The following AACS variants were observed in gnomAD, a reference collection of about 807,000 sequenced individuals.
AACS encodes the protein acetoacetyl-CoA synthetase.
In AACS, 69 loss-of-function variants were observed where a neutral mutation model predicts 83.1. The ratio of observed to expected loss-of-function variants is 0.83; its 90% CI spans 0.68 to 1.01. The LOEUF is 1.01. Among genes scored for constraint, AACS ranks in the 50% least tolerant of loss-of-function variants. The pLI is 0.00. For missense variants in AACS, 866 were observed against 882.2 expected (o/e 0.98, Z 0.23); for synonymous variants, 333 against 343.4 (o/e 0.97, Z 0.33).
intron 3 of AACS, among the ~76,000 whole-genome samples, chr12:125,082,690 G>A (rs1053206554): frequency 6.6e-6 from 1 of 152,018 alleles, no homozygotes; most frequent in Non-Finnish European, 1.5e-5. Context: ...GTGTGGTGGC[G>A]GGTGCCTGTA....
At chr12:125,074,891 C>T (rs912454194) in intron 2 of AACS, among the ~76,000 whole-genome samples, 2 of 150,962 alleles carry the variant, frequency 1.3e-5, no homozygotes, top group African/African-American at 2.4e-5. Context: ...CTCAAACTCC[C>T]AACCTTGGGT....
At chr12:125,089,651 A>G (rs1232023576) in intron 4 of AACS, among the ~76,000 whole-genome samples, 2 of 151,700 alleles carry the variant, frequency 1.3e-5, no homozygotes, top group Non-Finnish European at 2.9e-5. Context: ...CTCTCTATCC[A>G]TCCAACCAAC....
intron 8 of AACS, among the ~76,000 whole-genome samples, chr12:125,107,957 T>C (rs534634540): frequency 1.3e-5 from 2 of 152,092 alleles, no homozygotes; most frequent in African/African-American, 4.8e-5. Flanking sequence ...CCAGACTCTG[T>C]CTCAAAAAAT....
intron 1 of AACS, among the ~76,000 whole-genome samples, chr12:125,068,332 G>T (rs1010166256): frequency 1.3e-5 from 2 of 152,108 alleles, no homozygotes; most frequent in African/African-American, 4.8e-5. Context: ...GGTGGCATGC[G>T]CCTGTAGTCC....
intron 11 of AACS, 29 bp downstream of exon 11, chr12:125,124,798 C>G: frequency 6.2e-7 from 1 of 1,613,988 alleles, no homozygotes; most frequent in South Asian, 1.1e-5. Context: ...TACTCATTCC[C>G]TGTACTGCCA....
intron 7 of AACS, among the ~76,000 whole-genome samples, chr12:125,104,433 C>G (rs1956789849): frequency 1.3e-5 from 2 of 152,196 alleles, no homozygotes; most frequent in South Asian, 4.1e-4. Context: ...GTCCTGTCCT[C>G]CGGGAGTTGC....
In AACS at chr12:125,097,791, C is replaced by T. The variant is rs748250238; in HGVS notation, c.571-4888C>T. ...GGGGGAGCCCCATCTCAGTAACCCC[C>T]GCCACTACAACCCTGCCAAACCAGG... On this transcript the variant is annotated intron_variant, in intron 5 of 17. Coordinates refer to ENST00000316519, the MANE Select transcript of AACS (RefSeq NM_023928.5). This position sits in a 1 kb window ranked among gnomAD's most constrained non-coding sequence, Gnocchi z 4.3. 1.3e-5 allele frequency among the ~76,000 whole-genome samples: 2 copies of T among 152,220 alleles called. No individual in the cohort carries two copies. Among genetic ancestry groups the T allele is most frequent in the Non-Finnish European group, 2.9e-5 (2 of 68,046 alleles).
chr12:125,132,405 T>C (rs1957340702), intron 14 of AACS, among the ~76,000 whole-genome samples: 2 of 152,182 alleles, frequency 1.3e-5, no homozygotes, highest in Non-Finnish European at 2.9e-5. Flanking sequence ...CAAACAAGAC[T>C]GTATGTTGTT....
intron 7 of AACS, chr12:125,105,299 C>A (rs1956809496): frequency 1.3e-5 from 2 of 152,234 alleles, no homozygotes; most frequent in Non-Finnish European, 2.9e-5. Context: ...TCCTGCCTGT[C>A]ATTGTGCGGC....
At chr12:125,087,595 G>A (rs1334684340) in intron 4 of AACS, among the ~76,000 whole-genome samples, 1 of 152,216 alleles carries the variant, frequency 6.6e-6, no homozygotes, top group Non-Finnish European at 1.5e-5. Context: ...GCGGGTGGCA[G>A]GAAAAGCCAC....
At chr12:125,101,233 TA>T (rs1956701635) in intron 5 of AACS, 1 of 152,226 alleles carries the variant, frequency 6.6e-6, no homozygotes, top group Admixed American at 6.5e-5. Flanking sequence ...TGTTAATAAT[TA>T]ATAATCTGGA....
At chr12:125,105,975 G>A (rs1356126040) in intron 7 of AACS, among the ~76,000 whole-genome samples, 1 of 152,184 alleles carries the variant, frequency 6.6e-6, no homozygotes, top group Non-Finnish European at 1.5e-5. Context: ...TGGAGCAGAC[G>A]GCTTTGTTTG....
intron 10 of AACS, chr12:125,121,146 C>A (rs571807637): frequency 2.9e-4 from 44 of 152,374 alleles, no homozygotes; most frequent in African/African-American, 9.9e-4. Context: ...TGGCCATCGC[C>A]CCGCCTGAGA....
At chr12:125,135,769 C>G (rs1957392837) in intron 16 of AACS, 1 of 152,226 alleles carries the variant, frequency 6.6e-6, no homozygotes, top group South Asian at 2.1e-4. Context: ...TTTTTTGAGA[C>G]AGGGTCTTAC....
At chr12:125,076,223 G>C (rs945039700) in intron 2 of AACS, among the ~76,000 whole-genome samples, 3 of 152,204 alleles carry the variant, frequency 2.0e-5, no homozygotes, top group African/African-American at 7.2e-5. Context: ...CTCTCACTGA[G>C]TAGGTGTTTA....
chr12:125,079,444 C>T (rs929159905), intron 3 of AACS, among the ~76,000 whole-genome samples: 38 of 152,160 alleles, frequency 2.5e-4, no homozygotes, highest in Non-Finnish European at 3.4e-4. Flanking sequence ...TGCAGTGGCA[C>T]GATCGTGGCT....
At chr12:125,070,705 T>A (rs570957649) in intron 1 of AACS, among the ~76,000 whole-genome samples, 1 of 152,294 alleles carries the variant, frequency 6.6e-6, no homozygotes, top group East Asian at 1.9e-4. Context: ...CTGATATGTA[T>A]CAACTAATGT....
At chr12:125,083,374 G>T (rs1210874296) in intron 3 of AACS, among the ~76,000 whole-genome samples, 2 of 152,178 alleles carry the variant, frequency 1.3e-5, no homozygotes, top group Non-Finnish European at 2.9e-5. Flanking sequence ...CATTTCCACA[G>T]TAACCCATCG....
rs1357400783 is a variant in AACS, at chr12:125,140,507, A to G, written c.1882-1585A>G. ...ACAGCGGGAGGGCCGGCGACATCAC[A>G]TGAAGTGACAGGCAGGCCCTTGGAA... On this transcript the variant is annotated intron_variant, in intron 17 of 17. Coordinates refer to ENST00000316519, the MANE Select transcript of AACS (RefSeq NM_023928.5). The surrounding 1 kb of genome is among the most constrained non-coding windows in gnomAD (Gnocchi z 5.1). 1 of 152,180 alleles carries G rather than the reference A, an allele frequency of 6.6e-6. No individual in the cohort carries two copies. The highest frequency in any genetic ancestry group is 1.5e-5 in the Non-Finnish European group (1 of 68,044). 9.4% of individuals were successfully genotyped at this position (152,180 alleles called of 1,614,324 possible). A position where few individuals can be genotyped will look rare whatever the true frequency, so the allele number is the denominator to read the frequency against.
Sources: gnomAD v4.1 joint callset for allele counts (sites outside exome capture counted in the v4.1 genomes callset) on GRCh38, gnomAD v4.1.1 for gene constraint, Gnocchi (gnomAD v3.1) non-coding constraint, MANE v1.5 for transcripts, NCBI Gene and HGNC (gene_info 2026-07-23, HGNC 2026-07-21) for gene names.